Variants in MCTP2 observed in about 807,000 individuals in gnomAD.
The protein encoded by MCTP2 is multiple C2 and transmembrane domain-containing protein 2.
MCTP2 carries 132 observed loss-of-function variants against 111.6 expected under a neutral mutation model. The observed-to-expected ratio is 1.18, with a 90% CI of 1.03 to 1.37. The LOEUF (loss-of-function observed/expected upper bound fraction) is 1.37. Ranked by LOEUF, MCTP2 falls within the 40% of genes most tolerant of loss-of-function variation. MCTP2 has a pLI of 0.00. For synonymous variants in MCTP2, 395 were observed against 387.7 expected, an observed-to-expected ratio of 1.02 and a Z score of -0.22; for missense variants, 1,183 against 1,067.9, an observed-to-expected ratio of 1.11 and a Z score of -1.50.
At chr15:94,456,826 TCTTC>T (rs536304504) in intron 19 of MCTP2, among the ~76,000 whole-genome samples, 24 of 152,276 alleles carry the variant, frequency 1.6e-4, no homozygotes, top group African/African-American at 5.5e-4. Flanking sequence ...TAGCCTCTGT[TCTTC>T]CTTTGTCTGT....
intron 4 of MCTP2, among the ~76,000 whole-genome samples, chr15:94,336,955 C>T (rs1459887958): frequency 6.6e-6 from 1 of 152,060 alleles, no homozygotes; most frequent in Non-Finnish European, 1.5e-5. Flanking sequence ...GAGTACCACA[C>T]TACTACAAGA....
intron 1 of MCTP2, among the ~76,000 whole-genome samples, chr15:94,251,570 G>T (rs2072432128): frequency 6.6e-6 from 1 of 151,966 alleles, no homozygotes; most frequent in African/African-American, 2.4e-5. Context: ...TGTCAGTCAG[G>T]CTGGTGTCGA....
chr15:94,411,595 C>G (rs1012548944), intron 17 of MCTP2, among the ~76,000 whole-genome samples: 2 of 152,054 alleles, frequency 1.3e-5, no homozygotes, highest in Admixed American at 1.3e-4. Flanking sequence ...TTTACTACAG[C>G]GTGTTGTACT....
intron 1 of MCTP2, among the ~76,000 whole-genome samples, chr15:94,245,521 TATATTTATATACATAC>T (rs1429639292): frequency 1.8e-4 from 25 of 141,892 alleles, no homozygotes; most frequent in Admixed American, 5.8e-4. Context: ...CATATATGTA[TATATTTATATACATAC>T]ATGTATATAT....
intron 2 of MCTP2, among the ~76,000 whole-genome samples, chr15:94,308,243 C>G (rs894272086): frequency 6.6e-6 from 1 of 152,158 alleles, no homozygotes; most frequent in Non-Finnish European, 1.5e-5. Context: ...TTTTCAAGGA[C>G]AGAAAGCTAG....
intron 12 of MCTP2, among the ~76,000 whole-genome samples, chr15:94,382,815 G>A (rs2080223529): frequency 6.6e-6 from 1 of 152,266 alleles, no homozygotes; most frequent in African/African-American, 2.4e-5. Flanking sequence ...AAGTGCCAGT[G>A]TGCTGCAGAC....
intron 4 of MCTP2, among the ~76,000 whole-genome samples, chr15:94,321,509 A>G (rs2152376944): frequency 6.6e-6 from 1 of 152,344 alleles, no homozygotes; most frequent in East Asian, 1.9e-4. Context: ...TAATTAATGA[A>G]TAATCATAAT....
intron 16 of MCTP2, among the ~76,000 whole-genome samples, chr15:94,401,133 G>A (rs930129004): frequency 6.6e-6 from 1 of 151,986 alleles, no homozygotes. Flanking sequence ...GGTGGCTTTG[G>A]GCTCTCAGAG....
chr15:94,458,727 A>T (rs1047584722), intron 20 of MCTP2, among the ~76,000 whole-genome samples: 4 of 152,190 alleles, frequency 2.6e-5, no homozygotes, highest in Non-Finnish European at 4.4e-5. Flanking sequence ...ACATATATGG[A>T]TGTCTTAGGA....
At chr15:94,412,185 T>C (rs1419291240) in intron 17 of MCTP2, among the ~76,000 whole-genome samples, 1 of 152,186 alleles carries the variant, frequency 6.6e-6, no homozygotes, top group East Asian at 1.9e-4. Context: ...GGATTCTCAG[T>C]CCTACACTAC....
At chr15:94,382,899 C>A (rs1320063646) in intron 12 of MCTP2, among the ~76,000 whole-genome samples, 1 of 152,246 alleles carries the variant, frequency 6.6e-6, no homozygotes, top group East Asian at 1.9e-4. Flanking sequence ...AAATCCAGAT[C>A]CTTCCGCCAA....
At position 94,339,356 on chromosome 15, in the gene MCTP2, A is replaced by T. The variant is rs191271656; in HGVS notation, c.704A>T (p.Tyr235Phe). The T allele has an allele frequency of 1.6e-5, 26 of 1,612,418 alleles. No individual in the cohort carries two copies. The highest frequency in any genetic ancestry group is 2.2e-5 in the Non-Finnish European group (26 of 1,178,840). Residue 235 changes from tyrosine (Y) to phenylalanine (F), a missense_variant, in exon 5 of 23, where the codon TAT (tyrosine) becomes TTT (phenylalanine). Tyr to Phe is a conservative substitution (Grantham distance 22). Coordinates refer to ENST00000357742, the MANE Select transcript of MCTP2 (RefSeq NM_001385001.1). ...GKTLYKSKVI[Y>F]KNLNPVWDEI... Reference sequence around the variant, plus strand: ...ACGCTGTACAAAAGTAAAGTCATATATAAGAACTTGAACCCAGTATGGGAT... The same window carrying T: ...ACGCTGTACAAAAGTAAAGTCATATTTAAGAACTTGAACCCAGTATGGGAT...
chr15:94,254,252 T>C (rs2072622442), intron 1 of MCTP2, among the ~76,000 whole-genome samples: 1 of 152,204 alleles, frequency 6.6e-6, no homozygotes, highest in Non-Finnish European at 1.5e-5. Flanking sequence ...CTTCAGGTTT[T>C]TAAATTCTTA....
chr15:94,451,500 GTTCA>G (rs2084462809), intron 19 of MCTP2, among the ~76,000 whole-genome samples: 1 of 152,076 alleles, frequency 6.6e-6, no homozygotes, highest in African/African-American at 2.4e-5. Context: ...CAATAATCTT[GTTCA>G]TTTATTTAAT....
At position 94,435,717 on chromosome 15, in the gene MCTP2, C is replaced by T. The variant is rs1222554144; in HGVS notation, c.2086-4459C>T. On this transcript the variant is annotated intron_variant, in intron 17 of 22. Coordinates refer to ENST00000357742, the MANE Select transcript of MCTP2 (RefSeq NM_001385001.1). ...CGCGATCTCGGCTCACTGCAAGCTC[C>T]GCCTCCCGGGTTCACGCCATTCTCC... Among the ~76,000 whole-genome samples the T allele has an allele frequency of 4.4e-5, 6 of 135,100 alleles. 1 individual carries two copies. Among genetic ancestry groups the T allele is most frequent in the Non-Finnish European group, 9.7e-5 (6 of 61,870 alleles). The allele number at this position is 135,100 out of a possible 152,430, so 88.6% of individuals were successfully genotyped here. A position where few individuals can be genotyped will look rare whatever the true frequency, so the allele number is the denominator to read the frequency against.
chr15:94,452,661 C>T (rs960447395), intron 19 of MCTP2, among the ~76,000 whole-genome samples: 3 of 152,114 alleles, frequency 2.0e-5, no homozygotes, highest in Non-Finnish European at 2.9e-5. Flanking sequence ...ATAAAACAGC[C>T]GGGTCTTATC....
intron 4 of MCTP2, among the ~76,000 whole-genome samples, chr15:94,335,350 C>T (rs1323302479): frequency 6.6e-6 from 1 of 152,070 alleles, no homozygotes; most frequent in African/African-American, 2.4e-5. Flanking sequence ...AAATTTTGTA[C>T]GACATTGCTT....
At chr15:94,382,037 TCCCTTTATGAGTTC>T (rs1347768846) in intron 12 of MCTP2, among the ~76,000 whole-genome samples, 3 of 152,224 alleles carry the variant, frequency 2.0e-5, no homozygotes, top group African/African-American at 7.2e-5. Flanking sequence ...AAGTCAGTAT[TCCCTTTATGAGTTC>T]TGGCCTTTCA....
In MCTP2 at chr15:94,243,890, T is replaced by C. The variant is rs138649474; in HGVS notation, c.-66+12226T>C. ...ATATGTGTATATATTTATGTACACA[T>C]ATATGTATACACATACATATGTGTA... On this transcript the variant is annotated intron_variant, in intron 1 of 22. Transcript: ENST00000357742. 1.9e-3 allele frequency among the ~76,000 whole-genome samples: 274 copies of C among 144,854 alleles called. 1 individual carries two copies. The highest frequency in any genetic ancestry group is 1.7e-3 in the Non-Finnish European group (112 of 64,786).
Sources: allele counts gnomAD v4.1 joint callset (sites outside exome capture counted in the v4.1 genomes callset), GRCh38; gene constraint gnomAD v4.1.1; transcripts MANE v1.5; gene names NCBI Gene and HGNC (gene_info 2026-07-23, HGNC 2026-07-21).